The following TACC1 variants were observed in gnomAD, a reference collection of about 807,000 sequenced individuals.
The protein encoded by TACC1 is transforming acidic coiled-coil-containing protein 1.
Under a neutral mutation model 84.4 loss-of-function variants are expected in TACC1, and 48 were observed. The observed-to-expected ratio is 0.57, with a 90% CI of 0.45 to 0.72. The LOEUF (loss-of-function observed/expected upper bound fraction) is 0.72. Ranked by LOEUF, TACC1 falls within the 30% of genes least tolerant of loss-of-function variation. TACC1 has a pLI of 0.00. For synonymous variants in TACC1, 372 were observed against 376.3 expected, an observed-to-expected ratio of 0.99 and a Z score of 0.13; for missense variants, 920 against 973.0, an observed-to-expected ratio of 0.95 and a Z score of 0.72.
chr8:38,742,371 G>T (rs772866796), exon 2 of TACC1: 1 of 1,473,244 alleles, frequency 6.8e-7, no homozygotes, highest in South Asian at 1.3e-5. Context: ...TCCAAGGCCA[G>T]AGAGAGGTCC....
upstream of TACC1, chr8:38,787,101 GGC>G: frequency 1.0e-6 from 1 of 979,238 alleles, no homozygotes; most frequent in Non-Finnish European, 1.2e-6. Context: ...GGATCCGGCG[GGC>G]GCGCGGCCGT....
intron 3 of TACC1, among the ~76,000 whole-genome samples, chr8:38,753,658 A>G (rs2151756252): frequency 6.6e-6 from 1 of 152,254 alleles, no homozygotes; most frequent in Middle Eastern, 3.4e-3. Flanking sequence ...TTACTTCACA[A>G]AGACAACACT....
chr8:38,764,869 C>T (rs1032202364), intron 3 of TACC1, among the ~76,000 whole-genome samples: 7 of 151,988 alleles, frequency 4.6e-5, no homozygotes, highest in East Asian at 1.9e-4. Flanking sequence ...GAGGCCAAGG[C>T]GGGTGGATCA....
At chr8:38,746,009 G>A (rs1808024631) in intron 3 of TACC1, among the ~76,000 whole-genome samples, 1 of 152,072 alleles carries the variant, frequency 6.6e-6, no homozygotes, top group Admixed American at 6.6e-5. Flanking sequence ...TAGACATGGG[G>A]TCTTGCTATG....
chr8:38,728,973 C>A (rs1804375863), intron 1 of TACC1, among the ~76,000 whole-genome samples: 2 of 152,130 alleles, frequency 1.3e-5, no homozygotes, highest in Admixed American at 6.6e-5. Context: ...TCTTTATTTT[C>A]TTTTCTCTTT....
chr8:38,763,239 T>C (rs1811564055), intron 3 of TACC1, among the ~76,000 whole-genome samples: 1 of 152,036 alleles, frequency 6.6e-6, no homozygotes, highest in African/African-American at 2.4e-5. Context: ...AGCCTTGAAC[T>C]CCTGGGCTGA....
Position 38,836,177 on chromosome 8 carries a change from T to C in TACC1, c.1729T>C (p.Ser577Pro). ...TTCCCCACAGGGGCTGCTGGAGTCCTCTGCAGAGAAGGCCCCTGTGTCGGT... is the reference window on the plus strand; with the variant it reads ...TTCCCCACAGGGGCTGCTGGAGTCCCCTGCAGAGAAGGCCCCTGTGTCGGT... ...GSTVLGLLES[S>P]AEKAPVSVSC... Residue 577 changes from serine (S) to proline (P), a missense_variant, in exon 7 of 13, where the codon TCT becomes CCT. Transcript: ENST00000317827. The C allele has an allele frequency of 6.2e-7, 1 of 1,613,496 alleles. No individual in the cohort carries two copies. The highest frequency in any genetic ancestry group is 8.5e-7 in the Non-Finnish European group (1 of 1,179,786).
intron 3 of TACC1, among the ~76,000 whole-genome samples, chr8:38,780,448 C>T (rs574076960): frequency 2.0e-5 from 3 of 152,100 alleles, no homozygotes; most frequent in Non-Finnish European, 2.9e-5. Context: ...CTGCAACCTC[C>T]GCCTCCCGGG....
At chr8:38,811,692 A>C (rs971846030) in intron 2 of TACC1, among the ~76,000 whole-genome samples, 1 of 152,216 alleles carries the variant, frequency 6.6e-6, no homozygotes, top group Non-Finnish European at 1.5e-5. Context: ...GATGTATATC[A>C]CGTCAGGACC....
At chr8:38,741,982 A>G (rs1028211470) in intron 1 of TACC1, among the ~76,000 whole-genome samples, 1 of 152,254 alleles carries the variant, frequency 6.6e-6, no homozygotes, top group Non-Finnish European at 1.5e-5. Context: ...GAACAAAACA[A>G]AAGAAGTTTA....
chr8:38,738,729 C>G (rs7843423), intron 1 of TACC1, among the ~76,000 whole-genome samples: 4,493 of 151,978 alleles, frequency 0.03, 228 homozygotes, highest in African/African-American at 0.1. Flanking sequence ...TGTTCCCTGA[C>G]CAAGTCCTAG....
At chr8:38,809,562 C>T (rs2152118101) in intron 2 of TACC1, among the ~76,000 whole-genome samples, 1 of 152,176 alleles carries the variant, frequency 6.6e-6, no homozygotes, top group Admixed American at 6.5e-5. Context: ...AGGAGGAAGA[C>T]TCTTAAAGGA....
At chr8:38,781,571 G>C (rs912026421) in intron 3 of TACC1, among the ~76,000 whole-genome samples, 2 of 152,054 alleles carry the variant, frequency 1.3e-5, no homozygotes, top group African/African-American at 4.8e-5. Context: ...AGTAGAGACG[G>C]GGTTTCGCCG....
chr8:38,777,862 G>C (rs1159006949), intron 3 of TACC1, among the ~76,000 whole-genome samples: 1 of 152,200 alleles, frequency 6.6e-6, no homozygotes, highest in East Asian at 1.9e-4. Context: ...CCATGGGTGA[G>C]AACTGAGTCA....
rs1817552763 is a variant in TACC1 at position 38,787,555 on chromosome 8, A to G, written c.-28A>G. The G allele has an allele frequency of 6.5e-7, 1 of 1,526,770 alleles. No homozygotes were observed. The highest frequency in any genetic ancestry group is 8.8e-7 in the Non-Finnish European group (1 of 1,137,510). The allele number at this position is 1,526,770 out of a possible 1,614,324, so 94.6% of individuals were successfully genotyped here. ...TCTCCCCACCCATTCCCCTGCCCCT[A>G]GGAGCTGGAGCCGGAGGAGCCGCGC... On this transcript the variant is annotated 5_prime_UTR_variant, in exon 1 of 13. Transcript: ENST00000317827.
At chr8:38,836,321 C>T (rs750505397) in intron 7 of TACC1, 34 bp downstream of exon 7, 1 of 1,595,130 alleles carries the variant, frequency 6.3e-7, no homozygotes, top group South Asian at 1.1e-5. Context: ...GCTTATCACT[C>T]CATTTCTTTG....
chr8:38,843,940 G>A (rs1831739637), intron 11 of TACC1, among the ~76,000 whole-genome samples: 1 of 152,098 alleles, frequency 6.6e-6, no homozygotes, highest in Admixed American at 6.5e-5. Flanking sequence ...TGTTAGAAAA[G>A]GAATTGCTAG....
chr8:38,788,841 T>TG, intron 2 of TACC1, 22 bp downstream of exon 2: 1 of 1,561,296 alleles, frequency 6.4e-7, no homozygotes, highest in Non-Finnish European at 8.7e-7. Context: ...CTTGCATTTT[T>TG]CCTGCCTGTT....
chr8:38,804,068 T>C (rs1425995605), intron 2 of TACC1, among the ~76,000 whole-genome samples: 1 of 152,158 alleles, frequency 6.6e-6, no homozygotes, highest in Non-Finnish European at 1.5e-5. Context: ...TTTTTTCTTA[T>C]TTTTTAATGG....
Sources: allele counts gnomAD v4.1 joint callset (sites outside exome capture counted in the v4.1 genomes callset), GRCh38; gene constraint gnomAD v4.1.1; transcripts MANE v1.5; gene names NCBI Gene and HGNC (gene_info 2026-07-23, HGNC 2026-07-21).